TELO2: variants seen among roughly 807,000 people sequenced by gnomAD.
The protein encoded by TELO2 is telomere length regulation protein TEL2 homolog.
In TELO2, 71 loss-of-function variants were observed where a neutral mutation model predicts 91.0. The ratio of observed to expected loss-of-function variants is 0.78; its 90% CI spans 0.64 to 0.95. The LOEUF is 0.95. Among genes scored for constraint, TELO2 ranks in the 40% least tolerant of loss-of-function variants. TELO2 has a pLI of 0.00. For missense variants in TELO2, 1,183 were observed against 1,141.3 expected (o/e 1.04, Z -0.53); for synonymous variants, 584 against 518.9 (o/e 1.13, Z -1.71).
intron 3 of TELO2, among the ~76,000 whole-genome samples, chr16:1,496,554 CT>C (rs2039499675): frequency 6.6e-6 from 1 of 152,228 alleles, no homozygotes; most frequent in Admixed American, 6.5e-5. Flanking sequence ...CGGCTCTGTG[CT>C]TTCCGCTGCC....
intron 16 of TELO2, 82 bp from the exon 17 acceptor site, chr16:1,506,156 T>G: frequency 2.0e-6 from 3 of 1,480,820 alleles, no homozygotes; most frequent in Non-Finnish European, 1.9e-6. Context: ...CCACGCTGCT[T>G]TGTGGGATCC....
rs2039875331 is a variant in TELO2, at chr16:1,505,880, C to T, written c.2034+279C>T. 6.6e-6 allele frequency among the ~76,000 whole-genome samples: 1 copy of T among 152,156 alleles called. No homozygotes were observed. The highest frequency in any genetic ancestry group is 1.5e-5 in the Non-Finnish European group (1 of 68,024). On this transcript the variant is annotated intron_variant, in intron 16 of 20. Transcript: ENST00000262319. The surrounding 1 kb of genome is among the most constrained non-coding windows in gnomAD (Gnocchi z 4.3). ...CATCTAGGCCAGGGGTGGTGTTGCTCCACCTGAGGATGTTTAGGGGCGTCT... is the reference window on the plus strand; with the variant it reads ...CATCTAGGCCAGGGGTGGTGTTGCTTCACCTGAGGATGTTTAGGGGCGTCT...
chr16:1,496,080 G>A (rs1034508985), intron 3 of TELO2, among the ~76,000 whole-genome samples: 27 of 152,236 alleles, frequency 1.8e-4, no homozygotes, highest in Admixed American at 1.6e-3. Context: ...AGGCTGGGCC[G>A]GGGGCCTGCA....
chr16:1,495,219 T>G, intron 2 of TELO2, 127 bp from the exon 3 acceptor site: 1 of 1,315,286 alleles, frequency 7.6e-7, no homozygotes, highest in Non-Finnish European at 1.0e-6. Context: ...CGGCTTGTGG[T>G]TTTGGACTTC....
In TELO2 at chr16:1,502,081, G is replaced by T. The variant is rs1165552272; in HGVS notation, c.1507G>T (p.Asp503Tyr). The change falls in exon 12 of 21, where the codon GAC becomes TAC. Residue 503 changes from aspartate (D) to tyrosine (Y), a missense_variant. By Grantham distance (160) the Asp-to-Tyr change is radical. Coordinates refer to ENST00000262319, the MANE Select transcript of TELO2 (RefSeq NM_016111.4). ...DEFVPYDMSG[D>Y]RELKSSKAPA... Reference sequence around the variant, plus strand: ...GTTTGTCCCCTACGACATGTCGGGGGACAGAGAGCTGAAGAGCAGCAAGGC... The same window carrying T: ...GTTTGTCCCCTACGACATGTCGGGGTACAGAGAGCTGAAGAGCAGCAAGGC... 1 of 1,613,142 alleles carries T rather than the reference G, an allele frequency of 6.2e-7. No homozygotes were observed. The highest frequency in any genetic ancestry group is 8.5e-7 in the Non-Finnish European group (1 of 1,179,900).
At chr16:1,507,239 G>A (rs1245262402) in intron 18 of TELO2, 67 bp from the exon 19 acceptor site, 10 of 1,580,508 alleles carry the variant, frequency 6.3e-6, no homozygotes, top group African/African-American at 5.4e-5. Flanking sequence ...AGCGGAAGCC[G>A]CCCATGGGTG....
In TELO2 at chr16:1,495,541, CGAG is replaced by C; in HGVS notation, c.532_534del (p.Glu178del). ...ACCGCCTGCAGCAGGAGAACTTGGC[CGAG>C]TTCTTCCCCCAGAACTACTTCCGCC... is the stretch of plus-strand genomic sequence containing the variant. On this transcript the variant is annotated inframe_deletion, in exon 3 of 21. Transcript: ENST00000262319. 1 of 1,611,842 alleles carries C rather than the reference CGAG, an allele frequency of 6.2e-7. No individual in the cohort carries two copies. The highest frequency in any genetic ancestry group is 1.3e-5 in the African/African-American group (1 of 75,052).
In TELO2 at chr16:1,496,151, G is replaced by A. The variant is rs551388854; in HGVS notation, c.613+528G>A. ...ACCCCTTCCTTCTCTTGCCTTTCCC[G>A]AGCTCCAGGCGACAGCTCAGACGCA... On this transcript the variant is annotated intron_variant, in intron 3 of 20. Transcript: ENST00000262319. 9.9e-5 allele frequency among the ~76,000 whole-genome samples: 15 copies of A among 152,276 alleles called. No individual in the cohort carries two copies. In the South Asian group the frequency reaches 2.7e-3, roughly 27 times the overall value.
chr16:1,506,354 T>C (rs1567305772), intron 17 of TELO2, 25 bp downstream of exon 17: 2 of 1,613,862 alleles, frequency 1.2e-6, no homozygotes, highest in Non-Finnish European at 1.7e-6. Flanking sequence ...CGTGGGCCTG[T>C]GGACTTGGGG....
intron 9 of TELO2, 135 bp from the exon 10 acceptor site, chr16:1,501,285 G>C: frequency 1.1e-6 from 1 of 895,540 alleles, no homozygotes; most frequent in South Asian, 1.6e-5. Context: ...AAAGACACCT[G>C]GCTATCCAGG....
intron 5 of TELO2, among the ~76,000 whole-genome samples, chr16:1,498,960 C>T (rs888774947): frequency 8.5e-5 from 13 of 152,088 alleles, no homozygotes; most frequent in African/African-American, 3.1e-4. Flanking sequence ...CGCCTCCGCC[C>T]GGGCTGAGGT....
chr16:1,503,287 T>C (rs2039773143), intron 15 of TELO2, among the ~76,000 whole-genome samples: 1 of 152,228 alleles, frequency 6.6e-6, no homozygotes. Flanking sequence ...GGGAATATTA[T>C]TTAGCAATGA....
chr16:1,500,891 C>T lies in TELO2; in HGVS notation c.1281+192C>T, dbSNP rs116218930. 3.2e-3 allele frequency among the ~76,000 whole-genome samples: 482 copies of T among 152,346 alleles called. 2 individuals are homozygous for T. Among genetic ancestry groups the T allele is most frequent in the African/African-American group, 9.0e-3 (373 of 41,572 alleles). On this transcript the variant is annotated intron_variant, in intron 9 of 20. Coordinates refer to ENST00000262319, the MANE Select transcript of TELO2 (RefSeq NM_016111.4). ...CTGAGCTCCTGGGGCCACACAGGGT[C>T]GGGTGAGCACAGGGCCCCCAGAAGG... is the stretch of plus-strand genomic sequence containing the variant.
chr16:1,506,924 G>T, intron 17 of TELO2, 28 bp from the exon 18 acceptor site: 1 of 1,584,702 alleles, frequency 6.3e-7, no homozygotes. Flanking sequence ...GGCACCCGCT[G>T]CACCTTGGGC....
Position 1,494,249 on chromosome 16 carries a change from G to T in TELO2, c.-33G>T, listed in dbSNP as rs185487056. 2 of 1,589,236 alleles carry T rather than the reference G, an allele frequency of 1.3e-6. No individual in the cohort carries two copies. Among genetic ancestry groups the T allele is most frequent in the Admixed American group, 3.4e-5 (2 of 59,256 alleles). ...GAGCCCTGTGTCCATGTCACAGGTC[G>T]TCTTCCCGTGACGCCCAGATCTGTC... On this transcript the variant is annotated 5_prime_UTR_variant, in exon 2 of 21. Transcript: ENST00000262319. The surrounding 1 kb of genome is among the most constrained non-coding windows in gnomAD (Gnocchi z 5.6).
In TELO2 at chr16:1,502,032, T is replaced by A. The variant is rs765538076; in HGVS notation, c.1473-15T>A. 26 of 1,613,178 alleles carry A rather than the reference T, an allele frequency of 1.6e-5. No individual in the cohort carries two copies. The Admixed American group carries it at 4.3e-4, about 27-fold the overall frequency. ...CAGGCCATGGGCTGCTCATGTCTGCTTTGCTCTCCCACAGCGATGATGAGT... is the reference window on the plus strand; with the variant it reads ...CAGGCCATGGGCTGCTCATGTCTGCATTGCTCTCCCACAGCGATGATGAGT... On this transcript the variant is annotated splice_polypyrimidine_tract_variant and intron_variant, in intron 11 of 20. Transcript: ENST00000262319.
intron 6 of TELO2, 79 bp downstream of exon 6, chr16:1,499,412 G>A (rs1337781696): frequency 9.3e-6 from 14 of 1,504,262 alleles, no homozygotes; most frequent in Non-Finnish European, 1.2e-5. Context: ...GGTCGGAGCG[G>A]TGTCTGCTGC....
intron 3 of TELO2, among the ~76,000 whole-genome samples, chr16:1,496,721 G>C (rs1037972427): frequency 5.3e-5 from 8 of 152,332 alleles, no homozygotes; most frequent in African/African-American, 1.9e-4. Flanking sequence ...CTGCGTGGCT[G>C]ACCCAACTTG....
intron 3 of TELO2, 37 bp from the exon 4 acceptor site, chr16:1,496,999 C>G: frequency 6.2e-7 from 1 of 1,607,038 alleles, no homozygotes; most frequent in Non-Finnish European, 8.5e-7. Flanking sequence ...TGTGCCTTCC[C>G]GCCGGCTTCC....
Sources: allele counts gnomAD v4.1 joint callset (sites outside exome capture counted in the v4.1 genomes callset), GRCh38; gene constraint gnomAD v4.1.1; non-coding constraint Gnocchi (gnomAD v3.1); transcripts MANE v1.5; gene names NCBI Gene and HGNC (gene_info 2026-07-23, HGNC 2026-07-21).